The following VEGFD variants were observed in gnomAD, a reference collection of about 807,000 sequenced individuals.
VEGFD encodes the protein vascular endothelial growth factor D.
VEGFD carries 26 observed loss-of-function variants against 28.0 expected under a neutral mutation model. That is an observed-to-expected ratio of 0.93 (90% CI 0.68 to 1.29). The LOEUF (loss-of-function observed/expected upper bound fraction) is 1.29. VEGFD is among the 50% of genes most tolerant of loss of function. VEGFD has a pLI of 0.00. For synonymous variants in VEGFD, 93 were observed against 95.5 expected, an observed-to-expected ratio of 0.97 and a Z score of 0.15; for missense variants, 294 against 273.4, an observed-to-expected ratio of 1.08 and a Z score of -0.53.
At chrX:15,360,211 AT>A (rs1403774148) in intron 2 of VEGFD, among the ~76,000 whole-genome samples, 1 of 110,689 alleles carries the variant, frequency 9.0e-6, no homozygotes, top group Non-Finnish European at 1.9e-5. Context: ...AATTTTTTTC[AT>A]ATGTTGCTTC....
chrX:15,347,939 C>T (rs1369728747), intron 5 of VEGFD, among the ~76,000 whole-genome samples: 1 of 112,396 alleles, frequency 8.9e-6, no homozygotes, highest in African/African-American at 3.2e-5. Flanking sequence ...AAGTTTTTGA[C>T]ATACTCATCT....
At chrX:15,363,441 G>A (rs917640907) in intron 1 of VEGFD, 122 bp from the exon 2 acceptor site, 28 of 546,797 alleles carry the variant, frequency 5.1e-5, no homozygotes, top group African/African-American at 1.2e-4. Flanking sequence ...CTATTGAAAC[G>A]TATGCCAGTG....
rs749342102 is a variant in VEGFD, at chrX:15,355,557, C to G, written c.493-259G>C. Among the ~76,000 whole-genome samples, 39 of 111,836 alleles carry G rather than the reference C, an allele frequency of 3.5e-4. No homozygotes were observed. The East Asian group carries it at 0.011, about 31-fold the overall frequency. On this transcript the variant is annotated intron_variant, in intron 3 of 6. Transcript: ENST00000297904. ...TCCTGCTTTAAATTTGAGTGTAAAT[C>G]GTAAGGGTTAAATGAGATTAAAGCT...
intron 2 of VEGFD, among the ~76,000 whole-genome samples, chrX:15,358,998 T>C (rs1363990923): frequency 8.9e-6 from 1 of 111,897 alleles, no homozygotes; most frequent in African/African-American, 3.3e-5. Context: ...AATTTTATGA[T>C]AAAGACAACA....
At chrX:15,366,353 CTT>C (rs1284476247) in intron 1 of VEGFD, among the ~76,000 whole-genome samples, 7 of 111,853 alleles carry the variant, frequency 6.3e-5, no homozygotes, top group African/African-American at 1.6e-4. Flanking sequence ...TTCTTTATCT[CTT>C]TGAGGGTTGC....
intron 5 of VEGFD, among the ~76,000 whole-genome samples, chrX:15,351,935 C>G (rs187281584): frequency 1.3e-4 from 15 of 112,003 alleles, no homozygotes; most frequent in Admixed American, 4.7e-4. Flanking sequence ...CTGGTCTGTT[C>G]TGGAGAGAGA....
chrX:15,376,927 A>G (rs1186851191), intron 1 of VEGFD, among the ~76,000 whole-genome samples: 1 of 112,115 alleles, frequency 8.9e-6, no homozygotes, highest in East Asian at 2.8e-4. Flanking sequence ...AGGGACATTC[A>G]ACACATGTTA....
chrX:15,363,574 T>A (rs1052270260), intron 1 of VEGFD, among the ~76,000 whole-genome samples: 1 of 112,247 alleles, frequency 8.9e-6, no homozygotes, highest in Admixed American at 9.4e-5. Flanking sequence ...TGTAGTGCAT[T>A]GAATGGTGGG....
In VEGFD at chrX:15,376,310, T is replaced by C. The variant is rs779921205; in HGVS notation, c.90+7547A>G. ...GCACATGCTCCTGCTAGCCCACTGA[T>C]CAAAGGAGGATGAGAGACACCTGGG... On this transcript the variant is annotated intron_variant, in intron 1 of 6. Coordinates refer to ENST00000297904, the MANE Select transcript of VEGFD (RefSeq NM_004469.5). Among the ~76,000 whole-genome samples, 4 of 111,539 alleles carry C rather than the reference T, an allele frequency of 3.6e-5. No homozygotes were observed. The East Asian group carries it at 1.1e-3, about 31-fold the overall frequency.
chrX:15,346,228 G>A lies in VEGFD; in HGVS notation c.970C>T (p.Pro324Ser), dbSNP rs1922545437. ...CATGCTGTTTTGCCACTTGCACATG[G>A]TCTGGTATGAAAGGGGCATCTGTCC... ...CEDRCPFHTR[P>S]CASGKTACAK... The change falls in exon 7 of 7, where the codon CCA becomes TCA. Residue 324 changes from proline (P) to serine (S), a missense_variant. Transcript: ENST00000297904. The A allele has an allele frequency of 8.3e-7, 1 of 1,209,049 alleles. No homozygotes were observed. Among genetic ancestry groups the A allele is most frequent in the African/African-American group, 1.7e-5 (1 of 57,266 alleles).
At chrX:15,351,988 G>T (rs1401194258) in intron 5 of VEGFD, among the ~76,000 whole-genome samples, 1 of 112,247 alleles carries the variant, frequency 8.9e-6, no homozygotes, top group African/African-American at 3.2e-5. Flanking sequence ...ACCCCTTGGT[G>T]CTGCCTCACT....
intron 5 of VEGFD, among the ~76,000 whole-genome samples, chrX:15,351,373 C>A (rs1200963087): frequency 1.8e-5 from 2 of 108,642 alleles, no homozygotes; most frequent in Middle Eastern, 4.7e-3. Context: ...CCCGCCTCGG[C>A]CTCCCAAAGT....
intron 1 of VEGFD, among the ~76,000 whole-genome samples, chrX:15,378,617 A>C (rs1923492998): frequency 8.9e-6 from 1 of 111,802 alleles, no homozygotes; most frequent in Non-Finnish European, 1.9e-5. Context: ...AAATGTATAC[A>C]CAGGCAAATA....
chrX:15,351,474 C>G (rs768884179), intron 5 of VEGFD, among the ~76,000 whole-genome samples: 7 of 111,471 alleles, frequency 6.3e-5, no homozygotes, highest in African/African-American at 2.3e-4. Flanking sequence ...CTCGGCCTCC[C>G]AAAGTGCTAG....
intron 1 of VEGFD, among the ~76,000 whole-genome samples, chrX:15,367,913 G>A (rs1334393723): frequency 8.7e-5 from 9 of 104,008 alleles, no homozygotes; most frequent in Non-Finnish European, 9.7e-5. Flanking sequence ...CCATGATCTC[G>A]CCACTTGCAC....
At chrX:15,382,538 T>C (rs1327487265) in intron 1 of VEGFD, among the ~76,000 whole-genome samples, 1 of 111,596 alleles carries the variant, frequency 9.0e-6, no homozygotes, top group Non-Finnish European at 1.9e-5. Context: ...AAAGGATTTC[T>C]GTTTCATGAA....
chrX:15,369,165 G>T (rs972550905), intron 1 of VEGFD, among the ~76,000 whole-genome samples: 4 of 111,490 alleles, frequency 3.6e-5, no homozygotes, highest in Non-Finnish European at 7.5e-5. Context: ...AAGGTATAGT[G>T]GTGGGGTTTG....
chrX:15,352,328 T>G (rs1018882082), intron 5 of VEGFD, among the ~76,000 whole-genome samples: 1 of 110,577 alleles, frequency 9.0e-6, no homozygotes, highest in South Asian at 3.8e-4. Flanking sequence ...TTCTTTTTTT[T>G]TTTTGGTGGA....
intron 2 of VEGFD, among the ~76,000 whole-genome samples, chrX:15,358,551 A>T (rs1922925172): frequency 8.9e-6 from 1 of 112,189 alleles, no homozygotes. Flanking sequence ...TTTATCAAGC[A>T]ATTTATAGGA....
Sources: gnomAD v4.1 joint callset for allele counts (sites outside exome capture counted in the v4.1 genomes callset) on GRCh38, gnomAD v4.1.1 for gene constraint, MANE v1.5 for transcripts, NCBI Gene and HGNC (gene_info 2026-07-23, HGNC 2026-07-21) for gene names.